RANBP10: variants seen among roughly 807,000 people sequenced by gnomAD.
RANBP10 encodes the protein RAN binding protein 10.
Under a neutral mutation model 72.8 loss-of-function variants are expected in RANBP10, and 24 were observed. The ratio of observed to expected loss-of-function variants is 0.33; its 90% CI spans 0.24 to 0.46. The LOEUF (loss-of-function observed/expected upper bound fraction) is 0.46. RANBP10 is among the 20% of genes least tolerant of loss of function. RANBP10 has a pLI of 1.00. For synonymous variants in RANBP10, 310 were observed against 322.3 expected, an observed-to-expected ratio of 0.96 and a Z score of 0.41; for missense variants, 679 against 817.5, an observed-to-expected ratio of 0.83 and a Z score of 2.07.
rs1567699198 is a variant in RANBP10 at position 67,769,463 on chromosome 16, G to GAAAAAAAAAAAA, written c.400+2570_400+2571insTTTTTTTTTTTT. Among the ~76,000 whole-genome samples the GAAAAAAAAAAAA allele has an allele frequency of 2.8e-5, 3 of 107,830 alleles. 1 individual carries two copies. Among genetic ancestry groups the GAAAAAAAAAAAA allele is most frequent in the African/African-American group, 1.0e-4 (3 of 29,884 alleles). 70.7% of individuals were successfully genotyped at this position (107,830 alleles called of 152,430 possible). A position where few individuals can be genotyped will look rare whatever the true frequency, so the allele number is the denominator to read the frequency against. On this transcript the variant is annotated intron_variant, in intron 3 of 13. Transcript: ENST00000317506. ...TGTCTCAAAAAAAAAAAAAAAAAAAGTGCTGGGCGCAGTGGCTCACGCCTG... is the reference window on the plus strand; with the variant it reads ...TGTCTCAAAAAAAAAAAAAAAAAAAGAAAAAAAAAAAATGCTGGGCGCAGTGGCTCACGCCTG...
At chr16:67,792,934 AG>A (rs902447982) in intron 2 of RANBP10, among the ~76,000 whole-genome samples, 1 of 151,960 alleles carries the variant, frequency 6.6e-6, no homozygotes, top group African/African-American at 2.4e-5. Context: ...ACCAGACAAA[AG>A]GGGCAGAACA....
At chr16:67,757,465 G>A (rs1175714317) in intron 3 of RANBP10, among the ~76,000 whole-genome samples, 1 of 152,176 alleles carries the variant, frequency 6.6e-6, no homozygotes, top group Non-Finnish European at 1.5e-5. Context: ...GCTGTGGAGG[G>A]ATGAGTGCTG....
chr16:67,783,491 A>G (rs2054851125), intron 2 of RANBP10, among the ~76,000 whole-genome samples: 1 of 152,112 alleles, frequency 6.6e-6, no homozygotes, highest in African/African-American at 2.4e-5. Flanking sequence ...CAGGGCTCCA[A>G]ACACAACACC....
intron 3 of RANBP10, among the ~76,000 whole-genome samples, chr16:67,758,077 A>G (rs147849840): frequency 8.0e-4 from 122 of 152,334 alleles, no homozygotes; most frequent in Middle Eastern, 3.4e-3. Flanking sequence ...TAGCACCTGC[A>G]GAAAAAGGGG....
intron 3 of RANBP10, among the ~76,000 whole-genome samples, chr16:67,769,038 GAT>G (rs1372709386): frequency 6.6e-6 from 1 of 152,126 alleles, no homozygotes; most frequent in African/African-American, 2.4e-5. Context: ...AGTAAATACA[GAT>G]ATGTTTGTTT....
Position 67,728,432 on chromosome 16 carries a change from C to T in RANBP10, c.1432G>A (p.Ala478Thr). 1.2e-6 allele frequency: 2 copies of T among 1,614,194 alleles called. No individual in the cohort carries two copies. Among genetic ancestry groups the T allele is most frequent in the Middle Eastern group, 1.6e-4 (1 of 6,062 alleles). ...GSMSTRIVNGAYKHEDLQTDE... is the reference protein window; with the variant it reads ...GSMSTRIVNGTYKHEDLQTDE... ...GTCTGCAGGTCCTCATGCTTGTAGG[C>T]ACCATTAACAATGCGTGTGGACATG... Residue 478 changes from alanine (A) to threonine (T), a missense_variant, in exon 11 of 14, where the codon GCC becomes ACC. Transcript: ENST00000317506.
intron 3 of RANBP10, among the ~76,000 whole-genome samples, chr16:67,748,972 G>GGCA (rs2054143929): frequency 1.3e-5 from 2 of 152,302 alleles, no homozygotes; most frequent in Non-Finnish European, 2.9e-5. Context: ...CCTCCCAAGT[G>GGCA]GCATGGGTAG....
chr16:67,738,328 G>A (rs1467837542), intron 4 of RANBP10, among the ~76,000 whole-genome samples: 2 of 152,082 alleles, frequency 1.3e-5, no homozygotes, highest in African/African-American at 4.8e-5. Context: ...AGTAGAGACA[G>A]GGTTTCACCA....
chr16:67,751,579 T>C (rs1481894110), intron 3 of RANBP10, among the ~76,000 whole-genome samples: 1 of 152,062 alleles, frequency 6.6e-6, no homozygotes, highest in Non-Finnish European at 1.5e-5. Flanking sequence ...GACCTGAGAT[T>C]GTGCCAATGC....
intron 2 of RANBP10, 37 bp downstream of exon 2, chr16:67,805,391 C>T: frequency 1.3e-6 from 2 of 1,571,346 alleles, no homozygotes; most frequent in Non-Finnish European, 1.7e-6. Flanking sequence ...GGATCAGCTC[C>T]ATGATCAGGG....
chr16:67,792,953 T>C (rs1268172300), intron 2 of RANBP10, among the ~76,000 whole-genome samples: 3 of 151,992 alleles, frequency 2.0e-5, no homozygotes, highest in Non-Finnish European at 4.4e-5. Context: ...ACAGCCCCTA[T>C]TGGTGGCCCT....
chr16:67,747,022 T>C (rs1467682687), intron 3 of RANBP10, among the ~76,000 whole-genome samples: 1 of 152,186 alleles, frequency 6.6e-6, no homozygotes, highest in Admixed American at 6.6e-5. Flanking sequence ...CAGACATATG[T>C]TTTCATTTCT....
At position 67,744,393 on chromosome 16, in the gene RANBP10, TC is replaced by T. The variant is rs1173844818; in HGVS notation, c.462del (p.Thr155LeufsTer14). The T allele has an allele frequency of 6.2e-7, 1 of 1,614,092 alleles. No individual in the cohort carries two copies. Among genetic ancestry groups the T allele is most frequent in the African/African-American group, 1.3e-5 (1 of 75,012 alleles). On this transcript the variant is annotated frameshift_variant, in exon 4 of 14. Transcript: ENST00000317506. LOFTEE classifies it high-confidence loss of function. ...GDDGHSFCSS[G>X]TGQPYGPTFT... ...AATGTGGGACCATAGGGCTGGCCAG[TC>T]CCCGAGGAGCAGAACGAATGCCCAT...
In RANBP10 at chr16:67,726,272, G is replaced by C. The variant is rs1272713488; in HGVS notation, c.*156C>G. 2 of 948,996 alleles carry C rather than the reference G, an allele frequency of 2.1e-6. No homozygotes were observed. Among genetic ancestry groups the C allele is most frequent in the African/African-American group, 3.3e-5 (2 of 60,352 alleles). The allele number at this position is 948,996 out of a possible 1,614,324, so 58.8% of individuals were successfully genotyped here. Reference sequence around the variant, plus strand: ...TGAGCGGGGTGGTGGGCAGAGAAAGGAAGGAAGGAAGGAAAGGGAGAGGGG... The same window carrying C: ...TGAGCGGGGTGGTGGGCAGAGAAAGCAAGGAAGGAAGGAAAGGGAGAGGGG... On this transcript the variant is annotated 3_prime_UTR_variant, in exon 14 of 14. Coordinates refer to ENST00000317506, the MANE Select transcript of RANBP10 (RefSeq NM_020850.3).
At position 67,806,531 on chromosome 16, in the gene RANBP10, C is replaced by G; in HGVS notation, c.6G>C (p.Ala2=). Residue 2 remains alanine (A), a synonymous_variant, in exon 1 of 14, where the codon GCG becomes GCC. Coordinates refer to ENST00000317506, the MANE Select transcript of RANBP10 (RefSeq NM_020850.3). The stretch of plus-strand genomic sequence containing the variant: ...CAGCTCCCGGGTCTGCCGTCGCTGC[C>G]GCCATCTTGGAGGGAGCTACTATTG... M[A]AATADPGAGN... is the part of the protein sequence containing the mutation. The G allele has an allele frequency of 6.6e-7, 1 of 1,504,854 alleles. No individual in the cohort carries two copies. The allele number at this position is 1,504,854 out of a possible 1,614,324, so 93.2% of individuals were successfully genotyped here.
Position 67,729,914 on chromosome 16 carries a change from G to C in RANBP10, c.998+24C>G. 1 of 1,613,692 alleles carries C rather than the reference G, an allele frequency of 6.2e-7. No homozygotes were observed. On this transcript the variant is annotated intron_variant, in intron 8 of 13. Transcript: ENST00000317506. This position sits in a 1 kb window ranked among gnomAD's most constrained non-coding sequence, Gnocchi z 7.1. Reference sequence around the variant, plus strand: ...AGCTGAGAGGGGCTGGACTCTGGGGGAGCTGGGGGTGCCCAAGACTTACTT... The same window carrying C: ...AGCTGAGAGGGGCTGGACTCTGGGGCAGCTGGGGGTGCCCAAGACTTACTT...
At chr16:67,750,360 A>G (rs2054170708) in intron 3 of RANBP10, among the ~76,000 whole-genome samples, 1 of 152,216 alleles carries the variant, frequency 6.6e-6, no homozygotes, top group Non-Finnish European at 1.5e-5. Context: ...GATCCAGTTC[A>G]AATTCCTGCC....
At position 67,724,162 on chromosome 16, in the gene RANBP10, A is replaced by G. The variant is rs2053566214; in HGVS notation, c.*2266T>C. ...AACCTAAGCTCAGGCACCCGTCCTCATCCCTGACACACCCCTGAAGGTAGC... is the reference window on the plus strand; with the variant it reads ...AACCTAAGCTCAGGCACCCGTCCTCGTCCCTGACACACCCCTGAAGGTAGC... On this transcript the variant is annotated 3_prime_UTR_variant, in exon 14 of 14. Coordinates refer to ENST00000317506, the MANE Select transcript of RANBP10 (RefSeq NM_020850.3). 6.6e-6 allele frequency: 1 copy of G among 152,476 alleles called. No individual in the cohort carries two copies. Among genetic ancestry groups the G allele is most frequent in the African/African-American group, 2.4e-5 (1 of 41,454 alleles). The allele number at this position is 152,476 out of a possible 1,614,324, so 9.4% of individuals were successfully genotyped here.
intron 3 of RANBP10, among the ~76,000 whole-genome samples, chr16:67,751,639 G>A (rs1405744962): frequency 6.6e-6 from 1 of 152,110 alleles, no homozygotes; most frequent in Non-Finnish European, 1.5e-5. Flanking sequence ...AAAAAGGCCA[G>A]GCTCAGTGGC....
Sources: gnomAD v4.1 joint callset for allele counts (sites outside exome capture counted in the v4.1 genomes callset) on GRCh38, gnomAD v4.1.1 for gene constraint, Gnocchi (gnomAD v3.1) non-coding constraint, MANE v1.5 for transcripts, NCBI Gene and HGNC (gene_info 2026-07-23, HGNC 2026-07-21) for gene names.